NFKB2: variants seen among roughly 807,000 people sequenced by gnomAD.
The protein encoded by NFKB2 is nuclear factor NF-kappa-B p100 subunit.
In NFKB2, 21 loss-of-function variants were observed where a neutral mutation model predicts 109.3. That is an observed-to-expected ratio of 0.19 (90% CI 0.14 to 0.28). The LOEUF (loss-of-function observed/expected upper bound fraction) is 0.28. Ranked by LOEUF, NFKB2 falls within the 10% of genes least tolerant of loss-of-function variation. The probability of loss-of-function intolerance (pLI) is 1.00; values close to 1 mark genes in which losing one functional copy is unlikely to be tolerated. For synonymous variants in NFKB2, 478 were observed against 489.9 expected (o/e 0.98, Z 0.32); for missense variants, 806 against 1,185.3 (o/e 0.68, Z 4.70).
rs1166523889 is a variant in NFKB2 at position 102,395,912 on chromosome 10, C to G, written c.-48C>G. 1 of 1,598,822 alleles carries G rather than the reference C, an allele frequency of 6.3e-7. No homozygotes were observed. The highest frequency in any genetic ancestry group is 1.3e-5 in the African/African-American group (1 of 74,246). ...GGCGGGCGTCTAAAATTCTGGGAAG[C>G]AGAACCTGGCCGGAGCCACTAGACA... On this transcript the variant is annotated 5_prime_UTR_variant, in exon 2 of 23. Transcript: ENST00000661543.
Position 102,397,395 on chromosome 10 carries a change from C to A in NFKB2, c.489C>A (p.Pro163=). 1 of 1,610,754 alleles carries A rather than the reference C, an allele frequency of 6.2e-7. No homozygotes were observed. The highest frequency in any genetic ancestry group is 1.1e-5 in the South Asian group (1 of 91,014). ...AGAGGCAGCGGCTCCGCTCTAGGCC[C>A]CAGGGCCTTACGGGTATGGGTGCAG... ...KLQRQRLRSR[P]QGLTEAEQRE... is the part of the protein sequence containing the mutation. The change falls in exon 7 of 23, where the codon CCC becomes CCA. Residue 163 remains proline, a synonymous_variant. Transcript: ENST00000661543. This position sits in a 1 kb window ranked among gnomAD's most constrained non-coding sequence, Gnocchi z 4.7.
At position 102,397,216 on chromosome 10, in the gene NFKB2, A is replaced by G; in HGVS notation, c.396-86A>G. 6.5e-7 allele frequency: 1 copy of G among 1,543,324 alleles called. No individual in the cohort carries two copies. Among genetic ancestry groups the G allele is most frequent in the Non-Finnish European group, 8.9e-7 (1 of 1,124,602 alleles). On this transcript the variant is annotated intron_variant, in intron 6 of 22. Transcript: ENST00000661543. This position sits in a 1 kb window ranked among gnomAD's most constrained non-coding sequence, Gnocchi z 4.7. ...ACTCCAATGGCTTCCTTGAGGAAGT[A>G]AGGCTGAGCTGAGCCCTGGCAATGG...
chr10:102,400,432 C>T lies in NFKB2; in HGVS notation c.1739C>T (p.Ala580Val), dbSNP rs373398471. 1.2e-6 allele frequency: 2 copies of T among 1,612,660 alleles called. No individual in the cohort carries two copies. The highest frequency in any genetic ancestry group is 1.3e-5 in the African/African-American group (1 of 74,926). The change falls in exon 16 of 23, where the codon GCA becomes GTA. Residue 580 changes from alanine to valine, a missense_variant. Transcript: ENST00000661543. The surrounding 1 kb of genome is among the most constrained non-coding windows in gnomAD (Gnocchi z 6.3). ...AGAGAPELLR[A>V]LLQSGAPAVP... ...GCTGGTGCTCCTGAGCTGCTGCGTGCACTGCTTCAGAGTGGAGCTCCTGCT... is the reference window on the plus strand; with the variant it reads ...GCTGGTGCTCCTGAGCTGCTGCGTGTACTGCTTCAGAGTGGAGCTCCTGCT...
Position 102,396,662 on chromosome 10 carries a change from C to T in NFKB2, c.145-63C>T, listed in dbSNP as rs543441103. 113 of 1,554,000 alleles carry T rather than the reference C, an allele frequency of 7.3e-5. 1 individual carries two copies. In the South Asian group the frequency reaches 1.1e-3, roughly 14 times the overall value. On this transcript the variant is annotated intron_variant, in intron 4 of 22. Coordinates refer to ENST00000661543, the MANE Select transcript of NFKB2 (RefSeq NM_001322934.2). This position sits in a 1 kb window ranked among gnomAD's most constrained non-coding sequence, Gnocchi z 5.9. ...GGTTCAGGGCTACTACCAGGCACTG[C>T]GGTCACTGCTGGCCTGGGTGGTCTT...
Position 102,398,279 on chromosome 10 carries a change from C to T in NFKB2, c.834C>T (p.Pro278=). ...GGCAGGCCTTTGGGGACTTCTCTCC[C>T]ACAGATGTGCATAAACAGGTACCCA... ...NGWQAFGDFS[P]TDVHKQYAIV... is the part of the protein sequence containing the mutation. The change falls in exon 10 of 23, where the codon CCC becomes CCT. Residue 278 remains proline (P), a synonymous_variant. Coordinates refer to ENST00000661543, the MANE Select transcript of NFKB2 (RefSeq NM_001322934.2). The surrounding 1 kb of genome is among the most constrained non-coding windows in gnomAD (Gnocchi z 6.6). The T allele has an allele frequency of 6.2e-7, 1 of 1,614,148 alleles. No individual in the cohort carries two copies. Among genetic ancestry groups the T allele is most frequent in the Non-Finnish European group, 8.5e-7 (1 of 1,180,030 alleles).
Position 102,402,327 on chromosome 10 carries a change from A to G in NFKB2, c.2654A>G (p.Glu885Gly), listed in dbSNP as rs2061280867. The G allele has an allele frequency of 1.3e-6, 2 of 1,569,772 alleles. No homozygotes were observed. The highest frequency in any genetic ancestry group is 1.2e-5 in the South Asian group (1 of 85,214). ...GCAGAGAAGCTGGGCCCACCCCCTG[A>G]GCCACCAGGAGGGCTCTGCCACGGG... is the stretch of plus-strand genomic sequence containing the variant. ...QEAEKLGPPPEPPGGLCHGHP... is the reference protein window; with the variant it reads ...QEAEKLGPPPGPPGGLCHGHP... Residue 885 changes from glutamate to glycine, a missense_variant, in exon 23 of 23, where the codon GAG (glutamate) becomes GGG (glycine). Around this residue, in one of 10 missense-constraint regions of NFKB2, gnomAD observed 211 missense variants for 268.7 expected, o/e 0.79. Coordinates refer to ENST00000661543, the MANE Select transcript of NFKB2 (RefSeq NM_001322934.2).
chr10:102,397,386 C>T lies in NFKB2; in HGVS notation c.480C>T (p.Arg160=). ...MIQKLQRQRL[R]SRPQGLTEAE... The stretch of plus-strand genomic sequence containing the variant: ...AAAAACTTCAGAGGCAGCGGCTCCG[C>T]TCTAGGCCCCAGGGCCTTACGGGTA... The change falls in exon 7 of 23, where the codon CGC becomes CGT. Residue 160 remains arginine, a synonymous_variant. Coordinates refer to ENST00000661543, the MANE Select transcript of NFKB2 (RefSeq NM_001322934.2). This position sits in a 1 kb window ranked among gnomAD's most constrained non-coding sequence, Gnocchi z 4.7. 2 of 1,604,974 alleles carry T rather than the reference C, an allele frequency of 1.2e-6. No individual in the cohort carries two copies.
rs2061218620 is a variant in NFKB2, at chr10:102,400,661, A to G, written c.1805A>G (p.Tyr602Cys). 2.5e-6 allele frequency: 4 copies of G among 1,613,936 alleles called. No individual in the cohort carries two copies. In the South Asian group the frequency reaches 3.3e-5, roughly 13 times the overall value. Residue 602 changes from tyrosine to cysteine, a missense_variant, in exon 17 of 23, where the codon TAT (tyrosine) becomes TGT (cysteine). Physicochemically the swap from Tyr to Cys is radical, Grantham distance 194 (BLOSUM62 -2). Around this residue, in one of 10 missense-constraint regions of NFKB2, gnomAD observed 163 missense variants for 207.1 expected, o/e 0.79. Coordinates refer to ENST00000661543, the MANE Select transcript of NFKB2 (RefSeq NM_001322934.2). The surrounding 1 kb of genome is among the most constrained non-coding windows in gnomAD (Gnocchi z 6.3). ...LLHMPDFEGL[Y>C]PVHLAVRARS... is the part of the protein sequence containing the mutation. ...GAGCATCCTGCATCCTTAGGACTGT[A>G]TCCAGTACACCTGGCAGTCCGAGCC...
At position 102,397,805 on chromosome 10, in the gene NFKB2, T is replaced by C; in HGVS notation, c.661+120T>C. The C allele has an allele frequency of 1.5e-6, 2 of 1,330,904 alleles. No individual in the cohort carries two copies. The highest frequency in any genetic ancestry group is 2.1e-6 in the Non-Finnish European group (2 of 953,722). The allele number at this position is 1,330,904 out of a possible 1,614,324, so 82.4% of individuals were successfully genotyped here. A position where few individuals can be genotyped will look rare whatever the true frequency, so the allele number is the denominator to read the frequency against. On this transcript the variant is annotated intron_variant, in intron 8 of 22. Transcript: ENST00000661543. This position sits in a 1 kb window ranked among gnomAD's most constrained non-coding sequence, Gnocchi z 4.7. ...GAACCTGGCCCTGCCACATATGAGC[T>C]GAGTGATCCTGAGCAAGTCATTTCC... is the stretch of plus-strand genomic sequence containing the variant.
rs1200632324 is a variant in NFKB2, at chr10:102,399,340, C to T, written c.1170C>T (p.Ser390=). The change falls in exon 13 of 23, where the codon TCC becomes TCT. Residue 390 remains serine (S), a synonymous_variant. Transcript: ENST00000661543. ...PSSLAYSPYQ[S]GAGPMGCYPG... is the part of the protein sequence containing the mutation. ...CCCTGGCCTACAGCCCCTACCAGTCCGGCGCGGGCCCCATGGGCTGCTACC... is the reference window on the plus strand; with the variant it reads ...CCCTGGCCTACAGCCCCTACCAGTCTGGCGCGGGCCCCATGGGCTGCTACC... The T allele has an allele frequency of 2.5e-6, 4 of 1,576,798 alleles. No individual in the cohort carries two copies. Among genetic ancestry groups the T allele is most frequent in the African/African-American group, 1.4e-5 (1 of 73,096 alleles).
rs764940630 is a variant in NFKB2, at chr10:102,401,083, TG to T, written c.2071+40del. On this transcript the variant is annotated intron_variant, in intron 18 of 22. Coordinates refer to ENST00000661543, the MANE Select transcript of NFKB2 (RefSeq NM_001322934.2). The surrounding 1 kb of genome is among the most constrained non-coding windows in gnomAD (Gnocchi z 4.2). ...CACCCTCAGGGGCACTTGAACAGGG[TG>T]GGGGGAAGGGAGAGAGGTGCCTCCC... 6.2e-7 allele frequency: 1 copy of T among 1,613,578 alleles called. No homozygotes were observed. The highest frequency in any genetic ancestry group is 2.2e-5 in the East Asian group (1 of 44,852).
In NFKB2 at chr10:102,402,342, T is replaced by C. The variant is rs1158105301; in HGVS notation, c.2669T>C (p.Leu890Pro). The C allele has an allele frequency of 2.6e-6, 4 of 1,565,544 alleles. No individual in the cohort carries two copies. The East Asian group carries it at 9.2e-5, about 36-fold the overall frequency. The part of the protein sequence containing the change: ...LGPPPEPPGG[L>P]CHGHPQPQVH ...CCACCCCCTGAGCCACCAGGAGGGCTCTGCCACGGGCACCCCCAGCCTCAG... is the reference window on the plus strand; with the variant it reads ...CCACCCCCTGAGCCACCAGGAGGGCCCTGCCACGGGCACCCCCAGCCTCAG... The change falls in exon 23 of 23, where the codon CTC becomes CCC. Residue 890 changes from leucine (L) to proline (P), a missense_variant. Physicochemically the swap from Leu to Pro is moderately conservative, Grantham distance 98. Coordinates refer to ENST00000661543, the MANE Select transcript of NFKB2 (RefSeq NM_001322934.2).
chr10:102,401,497 C>A lies in NFKB2; in HGVS notation c.2272C>A (p.Leu758Met). The change falls in exon 20 of 23, where the codon CTG becomes ATG. Residue 758 changes from leucine to methionine, a missense_variant. Physicochemically the swap from Leu to Met is conservative, Grantham distance 15. This residue lies in a region of NFKB2 where 211 missense variants were observed against 268.7 expected (regional missense o/e 0.79). Coordinates refer to ENST00000661543, the MANE Select transcript of NFKB2 (RefSeq NM_001322934.2). The surrounding 1 kb of genome is among the most constrained non-coding windows in gnomAD (Gnocchi z 4.2). ...TGCTCAGAACACCATGGAGCCACCC[C>A]TGACCCCGCCCAGCCCAGCAGGTGA... ...NAAQNTMEPP[L>M]TPPSPAGPGL... 6.2e-7 allele frequency: 1 copy of A among 1,613,504 alleles called. No individual in the cohort carries two copies. Among genetic ancestry groups the A allele is most frequent in the Non-Finnish European group, 8.5e-7 (1 of 1,179,966 alleles).
At position 102,397,760 on chromosome 10, in the gene NFKB2, TCAAA is replaced by T; in HGVS notation, c.661+78_661+81del. The T allele has an allele frequency of 1.3e-6, 2 of 1,536,230 alleles. No homozygotes were observed. The highest frequency in any genetic ancestry group is 1.8e-6 in the Non-Finnish European group (2 of 1,130,318). On this transcript the variant is annotated intron_variant, in intron 8 of 22. Transcript: ENST00000661543. The surrounding 1 kb of genome is among the most constrained non-coding windows in gnomAD (Gnocchi z 4.7). ...TGAGGGGTGACCTCAAGCTGTGCAGTCAAACAGACCCAGGTTTCAGAACCTGGCC... is the reference window on the plus strand; with the variant it reads ...TGAGGGGTGACCTCAAGCTGTGCAGTCAGACCCAGGTTTCAGAACCTGGCC...
Position 102,400,134 on chromosome 10 carries a change from C to G in NFKB2, c.1524C>G (p.Val508=), listed in dbSNP as rs2061203325. The G allele has an allele frequency of 6.2e-7, 1 of 1,614,156 alleles. No individual in the cohort carries two copies. Among genetic ancestry groups the G allele is most frequent in the Non-Finnish European group, 8.5e-7 (1 of 1,180,006 alleles). ...HGQTSVIEQI[V]YVIHHAQDLG... is the part of the protein sequence containing the mutation. ...AGACCAGTGTCATTGAGCAGATAGTCTATGTCATCCACCACGCCCAGGACC... is the reference window on the plus strand; with the variant it reads ...AGACCAGTGTCATTGAGCAGATAGTGTATGTCATCCACCACGCCCAGGACC... The change falls in exon 15 of 23, where the codon GTC becomes GTG. Residue 508 remains valine, a synonymous_variant. Transcript: ENST00000661543. The surrounding 1 kb of genome is among the most constrained non-coding windows in gnomAD (Gnocchi z 6.3).
At position 102,397,093 on chromosome 10, in the gene NFKB2, C is replaced by T. The variant is rs962352088; in HGVS notation, c.395+38C>T. 16 of 1,595,092 alleles carry T rather than the reference C, an allele frequency of 1.0e-5. 1 individual carries two copies. In the Admixed American group the frequency reaches 1.3e-4, roughly 13 times the overall value. On this transcript the variant is annotated intron_variant, in intron 6 of 22. Coordinates refer to ENST00000661543, the MANE Select transcript of NFKB2 (RefSeq NM_001322934.2). This position sits in a 1 kb window ranked among gnomAD's most constrained non-coding sequence, Gnocchi z 4.7. Reference sequence around the variant, plus strand: ...TACGCCTGGCCCCCACTGGTATGCCCGTCTGCCAGTCCCAGGCCCCAGCCC... The same window carrying T: ...TACGCCTGGCCCCCACTGGTATGCCTGTCTGCCAGTCCCAGGCCCCAGCCC...
At position 102,402,111 on chromosome 10, in the gene NFKB2, G is replaced by T; in HGVS notation, c.2530G>T (p.Val844Leu). 5 of 1,580,404 alleles carry T rather than the reference G, an allele frequency of 3.2e-6. No homozygotes were observed. Among genetic ancestry groups the T allele is most frequent in the Non-Finnish European group, 4.3e-6 (5 of 1,162,748 alleles). ...ALSDMGLEEG[V>L]RLLRGPETRD... Reference sequence around the variant, plus strand: ...GTCTGACATGGGCCTAGAGGAGGGAGTGAGGCTGCTGAGGGGTCCAGAAAC... The same window carrying T: ...GTCTGACATGGGCCTAGAGGAGGGATTGAGGCTGCTGAGGGGTCCAGAAAC... Residue 844 changes from valine (V) to leucine (L), a missense_variant, in exon 22 of 23, where the codon GTG becomes TTG. Val to Leu is a conservative substitution (Grantham distance 32, BLOSUM62 1). Coordinates refer to ENST00000661543, the MANE Select transcript of NFKB2 (RefSeq NM_001322934.2).
rs758915380 is a variant in NFKB2 at position 102,401,545 on chromosome 10, C to T, written c.2293+27C>T. ...TGAGAAGCATCAGGCATCCCCAGCC[C>T]GACTCCTCTGACTCCTCACAGAGGT... is the stretch of plus-strand genomic sequence containing the variant. On this transcript the variant is annotated intron_variant, in intron 20 of 22. Coordinates refer to ENST00000661543, the MANE Select transcript of NFKB2 (RefSeq NM_001322934.2). This position sits in a 1 kb window ranked among gnomAD's most constrained non-coding sequence, Gnocchi z 4.2. The T allele has an allele frequency of 1.4e-5, 22 of 1,609,470 alleles. No individual in the cohort carries two copies. The highest frequency in any genetic ancestry group is 1.7e-5 in the Non-Finnish European group (20 of 1,178,826).
Position 102,395,782 on chromosome 10 carries a change from A to T in NFKB2, c.-87A>T. 1.5e-6 allele frequency: 1 copy of T among 646,996 alleles called. No homozygotes were observed. The highest frequency in any genetic ancestry group is 1.8e-5 in the South Asian group (1 of 54,362). The allele number at this position is 646,996 out of a possible 1,614,324, so 40.1% of individuals were successfully genotyped here. On this transcript the variant is annotated 5_prime_UTR_variant, in exon 1 of 23. Coordinates refer to ENST00000661543, the MANE Select transcript of NFKB2 (RefSeq NM_001322934.2). ...CGGATCTCACCCGCCACACCCGGAC[A>T]GGCGGCTGGAGGAGGTCGGACCCTC... is the stretch of plus-strand genomic sequence containing the variant.
Sources: allele counts gnomAD v4.1 joint callset, GRCh38; gene constraint gnomAD v4.1.1; regional missense constraint gnomAD v4.1.1; non-coding constraint Gnocchi (gnomAD v3.1); transcripts MANE v1.5; gene names NCBI Gene and HGNC (gene_info 2026-07-23, HGNC 2026-07-21).